Variants in SPEM3 observed in about 807,000 individuals in gnomAD.
SPEM3 encodes SPEM family member 3, also known as uncharacterized protein SPEM3.
rs779045806 is a variant in SPEM3 at position 7,431,326 on chromosome 17, A to G, written c.2155A>G (p.Asn719Asp). 5 of 398,308 alleles carry G rather than the reference A, an allele frequency of 1.3e-5. No homozygotes were observed. The highest frequency in any genetic ancestry group is 6.3e-4 in the Middle Eastern group (1 of 1,590). 24.7% of individuals were successfully genotyped at this position (398,308 alleles called of 1,614,324 possible). A position where few individuals can be genotyped will look rare whatever the true frequency, so the allele number is the denominator to read the frequency against. ...GLHENPGLAPNQGLHEFPGLP... is the reference protein window; with the variant it reads ...GLHENPGLAPDQGLHEFPGLP... ...CCACGAGAACCCAGGTCTTGCTCCA[A>G]ATCAAGGCCTACATGAGTTCCCAGG... The change falls in exon 3 of 3, where the codon AAT (asparagine) becomes GAT (aspartate). Residue 719 changes from asparagine (N) to aspartate (D), a missense_variant. Asn to Asp is a conservative substitution (Grantham distance 23, BLOSUM62 1). Coordinates refer to ENST00000636696, the MANE Select transcript of SPEM3 (RefSeq NM_001364708.1).
rs753489925 is a variant in SPEM3, at chr17:7,429,507, A to G, written c.336A>G (p.Ile112Met). Residue 112 changes from isoleucine to methionine, a missense_variant, in exon 3 of 3, where the codon ATA becomes ATG. Physicochemically the swap from Ile to Met is conservative, Grantham distance 10 (BLOSUM62 1). Transcript: ENST00000636696. This position sits in a 1 kb window ranked among gnomAD's most constrained non-coding sequence, Gnocchi z 4.9. ...GCGTTAACCACCTTGACTCCTGGAT[A>G]CCAGACACGAACGATGAGAAGGTTT... is the stretch of plus-strand genomic sequence containing the variant. ...LRRVNHLDSW[I>M]PDTNDEKVSA... 5.0e-6 allele frequency: 2 copies of G among 398,608 alleles called. No homozygotes were observed. Among genetic ancestry groups the G allele is most frequent in the Non-Finnish European group, 8.8e-6 (2 of 226,082 alleles). 24.7% of individuals were successfully genotyped at this position (398,608 alleles called of 1,614,324 possible). A position where few individuals can be genotyped will look rare whatever the true frequency, so the allele number is the denominator to read the frequency against.
rs1201443032 is a variant in SPEM3 at position 7,430,890 on chromosome 17, C to G, written c.1719C>G (p.Ala573=). Residue 573 remains alanine, a synonymous_variant, in exon 3 of 3, where the codon GCC becomes GCG. Coordinates refer to ENST00000636696, the MANE Select transcript of SPEM3 (RefSeq NM_001364708.1). ...FLAYSRDTAC[A]KTCFHSATTA... ...CCTACTCCCGGGATACTGCATGTGC[C>G]AAGACTTGCTTTCATTCTGCAACCA... is the stretch of plus-strand genomic sequence containing the variant. 2 of 398,592 alleles carry G rather than the reference C, an allele frequency of 5.0e-6. No homozygotes were observed. The highest frequency in any genetic ancestry group is 3.6e-5 in the East Asian group (1 of 28,090). 24.7% of individuals were successfully genotyped at this position (398,592 alleles called of 1,614,324 possible). A position where few individuals can be genotyped will look rare whatever the true frequency, so the allele number is the denominator to read the frequency against.
rs1259869336 is a variant in SPEM3, at chr17:7,430,446, C to A, written c.1275C>A (p.Thr425=). The part of the protein sequence containing the change: ...TPVPDPVPAT[T]PAPIITPIPS... Reference sequence around the variant, plus strand: ...TCCCTGATCCTGTCCCTGCCACCACCCCTGCCCCTATCATAACTCCTATAC... The same window carrying A: ...TCCCTGATCCTGTCCCTGCCACCACACCTGCCCCTATCATAACTCCTATAC... Residue 425 remains threonine, a synonymous_variant, in exon 3 of 3, where the codon ACC becomes ACA. Coordinates refer to ENST00000636696, the MANE Select transcript of SPEM3 (RefSeq NM_001364708.1). 2 of 403,356 alleles carry A rather than the reference C, an allele frequency of 5.0e-6. No individual in the cohort carries two copies. Among genetic ancestry groups the A allele is most frequent in the Non-Finnish European group, 8.7e-6 (2 of 229,246 alleles). The allele number at this position is 403,356 out of a possible 1,614,324, so 25.0% of individuals were successfully genotyped here.
In SPEM3 at chr17:7,429,333, C is replaced by G; in HGVS notation, c.197-35C>G. 2.5e-6 allele frequency: 1 copy of G among 398,568 alleles called. No homozygotes were observed. The highest frequency in any genetic ancestry group is 1.3e-4 in the South Asian group (1 of 7,858). 24.7% of individuals were successfully genotyped at this position (398,568 alleles called of 1,614,324 possible). A position where few individuals can be genotyped will look rare whatever the true frequency, so the allele number is the denominator to read the frequency against. ...GGCCCAGTTCTTAGTCCCTAGGGAA[C>G]CCGGGCATTGTCCCCATCCTACCTC... On this transcript the variant is annotated intron_variant, in intron 2 of 2. Transcript: ENST00000636696. The surrounding 1 kb of genome is among the most constrained non-coding windows in gnomAD (Gnocchi z 4.9).
In SPEM3 at chr17:7,431,113, G is replaced by A. The variant is rs376336735; in HGVS notation, c.1942G>A (p.Ala648Thr). ...TSQFPIPSLF[A>T]TISQPLIQPQ... Reference sequence around the variant, plus strand: ...CCAATTCCCCATCCCTTCCCTGTTCGCCACCATTTCCCAACCCCTGATCCA... The same window carrying A: ...CCAATTCCCCATCCCTTCCCTGTTCACCACCATTTCCCAACCCCTGATCCA... Residue 648 changes from alanine (A) to threonine (T), a missense_variant, in exon 3 of 3, where the codon GCC (alanine) becomes ACC (threonine). Coordinates refer to ENST00000636696, the MANE Select transcript of SPEM3 (RefSeq NM_001364708.1). 7.5e-6 allele frequency: 3 copies of A among 398,342 alleles called. No homozygotes were observed. Among genetic ancestry groups the A allele is most frequent in the African/African-American group, 2.1e-5 (1 of 48,428 alleles). 24.7% of individuals were successfully genotyped at this position (398,342 alleles called of 1,614,324 possible). A position where few individuals can be genotyped will look rare whatever the true frequency, so the allele number is the denominator to read the frequency against.
In SPEM3 at chr17:7,428,913, G is replaced by A. The variant is rs939693831; in HGVS notation, c.11G>A (p.Arg4Gln). 1.8e-5 allele frequency: 7 copies of A among 398,640 alleles called. No homozygotes were observed. Among genetic ancestry groups the A allele is most frequent in the Non-Finnish European group, 3.1e-5 (7 of 226,120 alleles). 24.7% of individuals were successfully genotyped at this position (398,640 alleles called of 1,614,324 possible). A position where few individuals can be genotyped will look rare whatever the true frequency, so the allele number is the denominator to read the frequency against. Residue 4 changes from arginine to glutamine, a missense_variant, in exon 1 of 3, where the codon CGA (arginine) becomes CAA (glutamine). Coordinates refer to ENST00000636696, the MANE Select transcript of SPEM3 (RefSeq NM_001364708.1). Reference protein sequence around the residue: MGERAYHGAQVCSG... With the variant: MGEQAYHGAQVCSG... ...CTGGGACCCCAGGCCATGGGTGAGCGAGCCTATCATGGGGCCCAGGTGTGC... is the reference window on the plus strand; with the variant it reads ...CTGGGACCCCAGGCCATGGGTGAGCAAGCCTATCATGGGGCCCAGGTGTGC...
chr17:7,430,598 T>C lies in SPEM3; in HGVS notation c.1427T>C (p.Leu476Ser), dbSNP rs1436457475. The C allele has an allele frequency of 1.5e-5, 6 of 398,782 alleles. No individual in the cohort carries two copies. The East Asian group carries it at 2.1e-4, about 14-fold the overall frequency. 24.7% of individuals were successfully genotyped at this position (398,782 alleles called of 1,614,324 possible). The change falls in exon 3 of 3, where the codon TTG becomes TCG. Residue 476 changes from leucine to serine, a missense_variant. By Grantham distance (145) the Leu-to-Ser change is moderately radical. Transcript: ENST00000636696. ...AACCCTGAGTATTCAAGAAAAGACT[T>C]GGCTACCCTCTTCAGGCCCCAAGAG... is the stretch of plus-strand genomic sequence containing the variant. The part of the protein sequence containing the change: ...PQNPEYSRKD[L>S]ATLFRPQEGQ...
chr17:7,430,623 G>GCTCT lies in SPEM3; in HGVS notation c.1452_1453insCTCT (p.Gly485LeufsTer12), dbSNP rs1907803153. ...TGGCTACCCTCTTCAGGCCCCAAGA[G>GCTCT]GGTCAGGACCTGGTGAGTTCTGGCA... On this transcript the variant is annotated frameshift_variant, in exon 3 of 3. Transcript: ENST00000636696. LOFTEE classifies it low-confidence loss of function (END_TRUNC). The GCTCT allele has an allele frequency of 2.5e-6, 1 of 398,734 alleles. No homozygotes were observed. Among genetic ancestry groups the GCTCT allele is most frequent in the Non-Finnish European group, 4.4e-6 (1 of 226,150 alleles). The allele number at this position is 398,734 out of a possible 1,614,324, so 24.7% of individuals were successfully genotyped here.
At position 7,429,450 on chromosome 17, in the gene SPEM3, C is replaced by T. The variant is rs945923650; in HGVS notation, c.279C>T (p.Arg93=). 2.0e-5 allele frequency: 8 copies of T among 398,520 alleles called. No individual in the cohort carries two copies. Among genetic ancestry groups the T allele is most frequent in the African/African-American group, 1.0e-4 (5 of 48,602 alleles). The allele number at this position is 398,520 out of a possible 1,614,324, so 24.7% of individuals were successfully genotyped here. ...PKNLCSKVSS[R]VHPRPGFLLR... ...ACCTGTGCTCAAAAGTCTCTTCCCG[C>T]GTCCATCCTCGCCCAGGCTTCCTGC... is the stretch of plus-strand genomic sequence containing the variant. The change falls in exon 3 of 3, where the codon CGC becomes CGT. Residue 93 remains arginine, a synonymous_variant. Coordinates refer to ENST00000636696, the MANE Select transcript of SPEM3 (RefSeq NM_001364708.1). The surrounding 1 kb of genome is among the most constrained non-coding windows in gnomAD (Gnocchi z 4.9).
Position 7,432,594 on chromosome 17 carries a change from CCA to C in SPEM3, c.3425_3426del (p.His1142LeufsTer14). On this transcript the variant is annotated frameshift_variant, in exon 3 of 3. Transcript: ENST00000636696. LOFTEE classifies it high-confidence loss of function. The surrounding 1 kb of genome is among the most constrained non-coding windows in gnomAD (Gnocchi z 4.1). ...SMPTHINWKS[H>X]CPGPGTQAGH... ...TGCCTACCCATATCAACTGGAAGTC[CCA>C]CTGCCCTGGACCAGGCACCCAGGCA... 1 of 398,690 alleles carries C rather than the reference CCA, an allele frequency of 2.5e-6. No individual in the cohort carries two copies. Among genetic ancestry groups the C allele is most frequent in the East Asian group, 3.6e-5 (1 of 28,084 alleles). The allele number at this position is 398,690 out of a possible 1,614,324, so 24.7% of individuals were successfully genotyped here. A position where few individuals can be genotyped will look rare whatever the true frequency, so the allele number is the denominator to read the frequency against.
Position 7,431,222 on chromosome 17 carries a change from C to T in SPEM3, c.2051C>T (p.Ser684Phe). The T allele has an allele frequency of 2.5e-6, 1 of 398,532 alleles. No individual in the cohort carries two copies. The highest frequency in any genetic ancestry group is 3.6e-5 in the East Asian group (1 of 28,074). The allele number at this position is 398,532 out of a possible 1,614,324, so 24.7% of individuals were successfully genotyped here. ...LQRTPGPSKDSRVPRNLDLAQ... is the reference protein window; with the variant it reads ...LQRTPGPSKDFRVPRNLDLAQ... ...AGGACCCCAGGCCCTTCAAAAGACT[C>T]CAGAGTTCCCAGGAATCTGGACCTT... The change falls in exon 3 of 3, where the codon TCC becomes TTC. Residue 684 changes from serine to phenylalanine, a missense_variant. Ser to Phe is a radical substitution (Grantham distance 155). Transcript: ENST00000636696.
rs1907848206 is a variant in SPEM3, at chr17:7,432,032, C to T, written c.2861C>T (p.Pro954Leu). ...ATKVERRFSL[P>L]QDVGVYRSSE... ...AAAGTTGAAAGAAGATTTAGCCTTC[C>T]CCAAGATGTTGGAGTTTACAGGAGC... The change falls in exon 3 of 3, where the codon CCC becomes CTC. Residue 954 changes from proline (P) to leucine (L), a missense_variant. Pro to Leu is a moderately conservative substitution (Grantham distance 98). Coordinates refer to ENST00000636696, the MANE Select transcript of SPEM3 (RefSeq NM_001364708.1). This position sits in a 1 kb window ranked among gnomAD's most constrained non-coding sequence, Gnocchi z 4.1. The T allele has an allele frequency of 2.5e-6, 1 of 398,604 alleles. No homozygotes were observed. Among genetic ancestry groups the T allele is most frequent in the Non-Finnish European group, 4.4e-6 (1 of 226,078 alleles). 24.7% of individuals were successfully genotyped at this position (398,604 alleles called of 1,614,324 possible).
rs1907740488 is a variant in SPEM3 at position 7,428,909 on chromosome 17, G to A, written c.7G>A (p.Glu3Lys). 4 of 398,626 alleles carry A rather than the reference G, an allele frequency of 1.0e-5. No homozygotes were observed. Among genetic ancestry groups the A allele is most frequent in the Non-Finnish European group, 4.4e-6 (1 of 226,124 alleles). 24.7% of individuals were successfully genotyped at this position (398,626 alleles called of 1,614,324 possible). The part of the protein sequence containing the change: MG[E>K]RAYHGAQVCS... ...AGTCCTGGGACCCCAGGCCATGGGT[G>A]AGCGAGCCTATCATGGGGCCCAGGT... The change falls in exon 1 of 3, where the codon GAG (glutamate) becomes AAG (lysine). Residue 3 changes from glutamate to lysine, a missense_variant. By Grantham distance (56) the Glu-to-Lys change is moderately conservative (BLOSUM62 1). Coordinates refer to ENST00000636696, the MANE Select transcript of SPEM3 (RefSeq NM_001364708.1).
rs975811549 is a variant in SPEM3 at position 7,430,153 on chromosome 17, G to A, written c.982G>A (p.Ala328Thr). 1.2e-5 allele frequency: 5 copies of A among 418,422 alleles called. No homozygotes were observed. In the Admixed American group the frequency reaches 1.8e-4, roughly 15 times the overall value. 25.9% of individuals were successfully genotyped at this position (418,422 alleles called of 1,614,324 possible). A position where few individuals can be genotyped will look rare whatever the true frequency, so the allele number is the denominator to read the frequency against. Reference protein sequence around the residue: ...SQAHSPEHTSAHSPAQAPMPV... With the variant: ...SQAHSPEHTSTHSPAQAPMPV... ...GGCCCACAGCCCTGAACACACCTCA[G>A]CCCACTCCCCAGCCCAGGCTCCTAT... Residue 328 changes from alanine (A) to threonine (T), a missense_variant, in exon 3 of 3, where the codon GCC becomes ACC. Physicochemically the swap from Ala to Thr is moderately conservative, Grantham distance 58. Coordinates refer to ENST00000636696, the MANE Select transcript of SPEM3 (RefSeq NM_001364708.1).
In SPEM3 at chr17:7,429,892, T is replaced by C. The variant is rs1446932065; in HGVS notation, c.721T>C (p.Ser241Pro). The change falls in exon 3 of 3, where the codon TCC becomes CCC. Residue 241 changes from serine to proline, a missense_variant. Ser to Pro is a moderately conservative substitution (Grantham distance 74). Transcript: ENST00000636696. This position sits in a 1 kb window ranked among gnomAD's most constrained non-coding sequence, Gnocchi z 4.9. Reference protein sequence around the residue: ...DHTAVHTPAHSWTHSKARTPE... With the variant: ...DHTAVHTPAHPWTHSKARTPE... ...CACCGCTGTGCACACCCCTGCCCACTCCTGGACCCACTCCAAAGCCCGCAC... is the reference window on the plus strand; with the variant it reads ...CACCGCTGTGCACACCCCTGCCCACCCCTGGACCCACTCCAAAGCCCGCAC... 1.6e-5 allele frequency: 6 copies of C among 373,174 alleles called. No homozygotes were observed. The highest frequency in any genetic ancestry group is 2.8e-5 in the Non-Finnish European group (6 of 212,348). The allele number at this position is 373,174 out of a possible 1,614,324, so 23.1% of individuals were successfully genotyped here.
Position 7,432,152 on chromosome 17 carries a change from G to T in SPEM3, c.2981G>T (p.Gly994Val). The T allele has an allele frequency of 2.5e-6, 1 of 398,606 alleles. No homozygotes were observed. The highest frequency in any genetic ancestry group is 4.4e-6 in the Non-Finnish European group (1 of 226,104). The allele number at this position is 398,606 out of a possible 1,614,324, so 24.7% of individuals were successfully genotyped here. Residue 994 changes from glycine (G) to valine (V), a missense_variant, in exon 3 of 3, where the codon GGC becomes GTC. By Grantham distance (109) the Gly-to-Val change is moderately radical. Transcript: ENST00000636696. This position sits in a 1 kb window ranked among gnomAD's most constrained non-coding sequence, Gnocchi z 4.1. ...HKDPALVQDS[G>V]LPKISGLTQE... The stretch of plus-strand genomic sequence containing the variant: ...GACCCAGCCCTTGTCCAAGACTCTG[G>T]CCTCCCCAAGATTTCAGGCCTTACC...
In SPEM3 at chr17:7,431,301, C is replaced by T; in HGVS notation, c.2130C>T (p.Leu710=). 2.5e-6 allele frequency: 1 copy of T among 398,590 alleles called. No individual in the cohort carries two copies. Among genetic ancestry groups the T allele is most frequent in the Non-Finnish European group, 4.4e-6 (1 of 226,080 alleles). 24.7% of individuals were successfully genotyped at this position (398,590 alleles called of 1,614,324 possible). A position where few individuals can be genotyped will look rare whatever the true frequency, so the allele number is the denominator to read the frequency against. ...CAGGCCTTACCCAAGATCCAGGCCT[C>T]CACGAGAACCCAGGTCTTGCTCCAA... ...KNPGLTQDPG[L]HENPGLAPNQ... Residue 710 remains leucine, a synonymous_variant, in exon 3 of 3, where the codon CTC becomes CTT. Transcript: ENST00000636696.
At position 7,432,611 on chromosome 17, in the gene SPEM3, G is replaced by C. The variant is rs746016666; in HGVS notation, c.3440G>C (p.Gly1147Ala). The C allele has an allele frequency of 6.1e-4, 245 of 398,702 alleles. No homozygotes were observed. Among genetic ancestry groups the C allele is most frequent in the Non-Finnish European group, 9.7e-4 (219 of 226,096 alleles). The allele number at this position is 398,702 out of a possible 1,614,324, so 24.7% of individuals were successfully genotyped here. ...INWKSHCPGP[G>A]TQAGHVVFDA... ...TGGAAGTCCCACTGCCCTGGACCAG[G>C]CACCCAGGCAGGGCATGTGGTTTTT... The change falls in exon 3 of 3, where the codon GGC (glycine) becomes GCC (alanine). Residue 1147 changes from glycine to alanine, a missense_variant. Transcript: ENST00000636696. The surrounding 1 kb of genome is among the most constrained non-coding windows in gnomAD (Gnocchi z 4.1).
Position 7,429,188 on chromosome 17 carries a change from A to G in SPEM3, c.139-2A>G. The G allele has an allele frequency of 5.0e-6, 2 of 398,568 alleles. No homozygotes were observed. The highest frequency in any genetic ancestry group is 8.8e-6 in the Non-Finnish European group (2 of 226,064). 24.7% of individuals were successfully genotyped at this position (398,568 alleles called of 1,614,324 possible). ...ACTCACCTGCCCTCCCACTCCCTTC[A>G]GCTCTGGAAGCATCTGAAGAGCTCC... On this transcript the variant is annotated splice_acceptor_variant, in intron 1 of 2. Coordinates refer to ENST00000636696, the MANE Select transcript of SPEM3 (RefSeq NM_001364708.1). LOFTEE classifies it high-confidence loss of function. This position sits in a 1 kb window ranked among gnomAD's most constrained non-coding sequence, Gnocchi z 4.9.
Sources: gnomAD v4.1 joint callset for allele counts on GRCh38, gnomAD v4.1.1 for gene constraint, Gnocchi (gnomAD v3.1) non-coding constraint, MANE v1.5 for transcripts, NCBI Gene and HGNC (gene_info 2026-07-23, HGNC 2026-07-21) for gene names.